The following CLSTN3 variants were observed in gnomAD, a reference collection of about 807,000 sequenced individuals.
CLSTN3 encodes calsyntenin 3, also known as calsyntenin-3.
CLSTN3 carries 36 observed loss-of-function variants against 95.9 expected under a neutral mutation model. That is an observed-to-expected ratio of 0.38 (90% CI 0.29 to 0.50). The LOEUF (loss-of-function observed/expected upper bound fraction) is 0.50, where lower values mean the gene tolerates loss of function less well. CLSTN3 is among the 20% of genes least tolerant of loss of function. The probability of loss-of-function intolerance (pLI) is 0.95; values close to 1 mark genes in which losing one functional copy is unlikely to be tolerated. For synonymous variants in CLSTN3, 481 were observed against 504.0 expected (o/e 0.95, Z 0.61); for missense variants, 1,084 against 1,268.8 (o/e 0.85, Z 2.21).
rs1939728528 is a variant in CLSTN3 at position 7,151,819 on chromosome 12, G to T, written c.2527+756G>T. ...GCCTGTAATCCCAACACACTAGGCT[G>T]AGTCAGGAGGCTCACTTGAGTCCAG... On this transcript the variant is annotated intron_variant, in intron 16 of 17. Transcript: ENST00000266546. Among the ~76,000 whole-genome samples the T allele has an allele frequency of 6.6e-5, 10 of 152,320 alleles. No individual in the cohort carries two copies. In the South Asian group the frequency reaches 2.1e-3, roughly 32 times the overall value.
rs369625887 is a variant in CLSTN3, at chr12:7,133,283, A to C, written c.187+137A>C. 552 of 1,166,094 alleles carry C rather than the reference A, an allele frequency of 4.7e-4. 3 individuals carry two copies. The African/African-American group carries it at 7.9e-3, about 17-fold the overall frequency. The allele number at this position is 1,166,094 out of a possible 1,614,324, so 72.2% of individuals were successfully genotyped here. The stretch of plus-strand genomic sequence containing the variant: ...GATAAAAGTGGGCTCAAGGAGGGGA[A>C]TGGTCTCCACTGAAGAATGGAGATT... On this transcript the variant is annotated intron_variant, in intron 2 of 17. Coordinates refer to ENST00000266546, the MANE Select transcript of CLSTN3 (RefSeq NM_014718.4). The surrounding 1 kb of genome is among the most constrained non-coding windows in gnomAD (Gnocchi z 4.7).
upstream of CLSTN3, chr12:7,130,331 C>A: frequency 9.0e-7 from 1 of 1,114,074 alleles, no homozygotes; most frequent in Non-Finnish European, 1.1e-6. Flanking sequence ...ACCTGATTGG[C>A]CGGCGGCCCC....
intron 4 of CLSTN3, 103 bp from the exon 5 acceptor site, chr12:7,135,701 G>T (rs193194731): frequency 1.2e-5 from 18 of 1,451,302 alleles, no homozygotes; most frequent in Middle Eastern, 1.9e-4. Context: ...CCAGCGTCCT[G>T]CTGCCTAACC....
At chr12:7,145,596 C>G (rs1178615393) in intron 12 of CLSTN3, among the ~76,000 whole-genome samples, 1 of 151,786 alleles carries the variant, frequency 6.6e-6, no homozygotes, top group Non-Finnish European at 1.5e-5. Flanking sequence ...TTGGAAAGCC[C>G]ATTTACTTGT....
At chr12:7,134,305 G>A (rs1198879729) in intron 3 of CLSTN3, among the ~76,000 whole-genome samples, 2 of 152,312 alleles carry the variant, frequency 1.3e-5, no homozygotes, top group Admixed American at 6.5e-5. Flanking sequence ...CTCTAGGTGA[G>A]GGTGGGCAGG....
At chr12:7,147,958 C>T (rs113973487) in intron 12 of CLSTN3, among the ~76,000 whole-genome samples, 1 of 152,078 alleles carries the variant, frequency 6.6e-6, no homozygotes, top group African/African-American at 2.4e-5. Flanking sequence ...AGTTCAAGAC[C>T]AGCCTGGCCA....
intron 16 of CLSTN3, among the ~76,000 whole-genome samples, chr12:7,153,194 C>T (rs1020501475): frequency 1.3e-5 from 2 of 152,170 alleles, no homozygotes; most frequent in East Asian, 1.9e-4. Context: ...CTTGTTCTGT[C>T]GCCTAGGCTG....
chr12:7,130,566 A>G lies in CLSTN3; in HGVS notation c.-83A>G. On this transcript the variant is annotated 5_prime_UTR_variant, in exon 1 of 18. Transcript: ENST00000266546. The stretch of plus-strand genomic sequence containing the variant: ...ACCCCGCTCCTTGGAGACCCCCTGT[A>G]TCCCTCCCGCAAGGTGGAATCCGCA... 1.3e-6 allele frequency: 2 copies of G among 1,548,246 alleles called. No homozygotes were observed. The highest frequency in any genetic ancestry group is 1.2e-5 in the South Asian group (1 of 83,938).
chr12:7,143,975 T>C (rs1190081286), intron 12 of CLSTN3, among the ~76,000 whole-genome samples: 1 of 152,200 alleles, frequency 6.6e-6, no homozygotes, highest in Non-Finnish European at 1.5e-5. Flanking sequence ...GGCTCACGCC[T>C]GTAATCCCAG....
chr12:7,136,704 A>G, intron 6 of CLSTN3, 125 bp from the exon 7 acceptor site: 1 of 1,093,256 alleles, frequency 9.1e-7, no homozygotes, highest in Non-Finnish European at 1.3e-6. Context: ...TTGAAAGGCC[A>G]TAAAAGGTGG....
Position 7,135,928 on chromosome 12 carries a change from G to A in CLSTN3, c.717G>A (p.Lys239=), listed in dbSNP as rs774733358. The A allele has an allele frequency of 5.0e-6, 8 of 1,612,670 alleles. No homozygotes were observed. The highest frequency in any genetic ancestry group is 6.8e-6 in the Non-Finnish European group (8 of 1,179,334). ...ADDAEVEIQV[K]PTCKPSWQGW... Reference sequence around the variant, plus strand: ...ATGCTGAGGTGGAGATTCAGGTGAAGCCCACCTGTAAACCCAGCTGGCAAG... The same window carrying A: ...ATGCTGAGGTGGAGATTCAGGTGAAACCCACCTGTAAACCCAGCTGGCAAG... Residue 239 remains lysine, a synonymous_variant, in exon 5 of 18, where the codon AAG becomes AAA. Transcript: ENST00000266546.
At position 7,157,038 on chromosome 12, in the gene CLSTN3, G is replaced by T. The variant is rs776022335; in HGVS notation, c.2528-451G>T. 9 of 356,744 alleles carry T rather than the reference G, an allele frequency of 2.5e-5. No individual in the cohort carries two copies. Among genetic ancestry groups the T allele is most frequent in the Non-Finnish European group, 5.0e-5 (9 of 181,270 alleles). 22.1% of individuals were successfully genotyped at this position (356,744 alleles called of 1,614,324 possible). On this transcript the variant is annotated intron_variant, in intron 16 of 17. Transcript: ENST00000266546. This position sits in a 1 kb window ranked among gnomAD's most constrained non-coding sequence, Gnocchi z 5.9. ...AGGCCTGGAGCCTGCATCTCCTCCT[G>T]CTCAGCCAAGCCCGTGTGGGGGCCC...
chr12:7,157,382 C>T lies in CLSTN3; in HGVS notation c.2528-107C>T, dbSNP rs1939835830. 1 of 962,190 alleles carries T rather than the reference C, an allele frequency of 1.0e-6. No homozygotes were observed. The highest frequency in any genetic ancestry group is 1.8e-5 in the South Asian group (1 of 54,720). 59.6% of individuals were successfully genotyped at this position (962,190 alleles called of 1,614,324 possible). A position where few individuals can be genotyped will look rare whatever the true frequency, so the allele number is the denominator to read the frequency against. ...CTTCTCGGCCACCGTGTGTTCTGCC[C>T]TGGGAGTCCTTCAGCCCGGGCTGCC... On this transcript the variant is annotated intron_variant, in intron 16 of 17. Transcript: ENST00000266546. This position sits in a 1 kb window ranked among gnomAD's most constrained non-coding sequence, Gnocchi z 5.9.
At chr12:7,130,897 A>G (rs935464388) in intron 1 of CLSTN3, 185 bp downstream of exon 1, 1 of 644,638 alleles carries the variant, frequency 1.6e-6, no homozygotes, top group Non-Finnish European at 2.8e-6. Flanking sequence ...CCCCAGCTAC[A>G]TCTTCCTTTC....
chr12:7,137,202 C>A lies in CLSTN3; in HGVS notation c.1210+92C>A. On this transcript the variant is annotated intron_variant, in intron 7 of 17. Coordinates refer to ENST00000266546, the MANE Select transcript of CLSTN3 (RefSeq NM_014718.4). This position sits in a 1 kb window ranked among gnomAD's most constrained non-coding sequence, Gnocchi z 4.4. ...CCAGTGTGTGACTGTGAACAGGTCA[C>A]TTCCCCTCTCTTCATTTGTGAGGTG... 1 of 1,289,388 alleles carries A rather than the reference C, an allele frequency of 7.8e-7. No homozygotes were observed. The highest frequency in any genetic ancestry group is 1.4e-5 in the South Asian group (1 of 70,718). 79.9% of individuals were successfully genotyped at this position (1,289,388 alleles called of 1,614,324 possible). A position where few individuals can be genotyped will look rare whatever the true frequency, so the allele number is the denominator to read the frequency against.
At chr12:7,143,440 A>G in intron 12 of CLSTN3, 129 bp downstream of exon 12, 1 of 1,003,100 alleles carries the variant, frequency 1.0e-6, no homozygotes. Context: ...TGGGCCCTCA[A>G]ATGGAGACAA....
upstream of CLSTN3, chr12:7,130,329 G>T: frequency 3.1e-5 from 32 of 1,024,288 alleles, no homozygotes; most frequent in East Asian, 5.0e-5. Flanking sequence ...TCACCTGATT[G>T]GCCGGCGGCC....
intron 12 of CLSTN3, among the ~76,000 whole-genome samples, chr12:7,147,975 A>G (rs1939650116): frequency 6.6e-6 from 1 of 152,094 alleles, no homozygotes; most frequent in Admixed American, 6.6e-5. Context: ...GCCAATATGA[A>G]GAAATCTCAT....
chr12:7,148,940 T>TC lies in CLSTN3; in HGVS notation c.1848-31dup, dbSNP rs1939673502. The TC allele has an allele frequency of 3.2e-6, 5 of 1,584,180 alleles. No individual in the cohort carries two copies. The East Asian group carries it at 1.1e-4, about 36-fold the overall frequency. On this transcript the variant is annotated intron_variant, in intron 12 of 17. Transcript: ENST00000266546. ...GGTTTTCGGGGAGGAAGTGTTGGGG[T>TC]CACATGCTGCTTCTCCTGCTTTCTT... is the stretch of plus-strand genomic sequence containing the variant.
Sources: gnomAD v4.1 joint callset for allele counts (sites outside exome capture counted in the v4.1 genomes callset) on GRCh38, gnomAD v4.1.1 for gene constraint, Gnocchi (gnomAD v3.1) non-coding constraint, MANE v1.5 for transcripts, NCBI Gene and HGNC (gene_info 2026-07-23, HGNC 2026-07-21) for gene names.